Variants in SERGEF observed in about 807,000 individuals in gnomAD.
SERGEF encodes the protein secretion-regulating guanine nucleotide exchange factor.
SERGEF carries 51 observed loss-of-function variants against 50.0 expected under a neutral mutation model. The observed-to-expected ratio is 1.02, with a 90% CI of 0.81 to 1.29. The LOEUF (loss-of-function observed/expected upper bound fraction) is 1.29, where lower values mean the gene tolerates loss of function less well. Among genes scored for constraint, SERGEF ranks in the 50% most tolerant of loss-of-function variants. The pLI is 0.00. For synonymous variants in SERGEF, 205 were observed against 212.4 expected (o/e 0.97, Z 0.30); for missense variants, 521 against 557.0 (o/e 0.94, Z 0.65).
At chr11:17,958,423 T>C (rs1180890185) in intron 9 of SERGEF, among the ~76,000 whole-genome samples, 1 of 152,126 alleles carries the variant, frequency 6.6e-6, no homozygotes, top group Non-Finnish European at 1.5e-5. Context: ...TCTTTTTTTT[T>C]AAGGGTAACA....
At chr11:17,960,662 C>T (rs537737973) in intron 8 of SERGEF, among the ~76,000 whole-genome samples, 2 of 152,328 alleles carry the variant, frequency 1.3e-5, no homozygotes, top group South Asian at 4.1e-4. Flanking sequence ...CCACATTCAA[C>T]ATATGGTTTA....
chr11:17,790,292 T>G (rs1849460113), intron 10 of SERGEF, among the ~76,000 whole-genome samples: 1 of 152,236 alleles, frequency 6.6e-6, no homozygotes, highest in Non-Finnish European at 1.5e-5. Context: ...TATTGTGATC[T>G]GTTTAGTTTG....
intron 10 of SERGEF, among the ~76,000 whole-genome samples, chr11:17,818,453 A>G (rs926230087): frequency 2.0e-5 from 3 of 152,190 alleles, no homozygotes; most frequent in Non-Finnish European, 4.4e-5. Flanking sequence ...TATATTCCAC[A>G]AAAATCCCAT....
At chr11:17,858,408 C>T (rs374289465) in intron 10 of SERGEF, among the ~76,000 whole-genome samples, 8 of 152,254 alleles carry the variant, frequency 5.3e-5, no homozygotes, top group South Asian at 4.2e-4. Flanking sequence ...AGCCCCCTTC[C>T]GGCATCCTGC....
At chr11:17,821,310 G>A (rs542318672) in intron 10 of SERGEF, among the ~76,000 whole-genome samples, 8 of 152,176 alleles carry the variant, frequency 5.3e-5, no homozygotes, top group African/African-American at 1.7e-4. Context: ...TTTAGGTTAC[G>A]AATACTAATA....
At chr11:17,860,454 A>C (rs1418485856) in intron 10 of SERGEF, among the ~76,000 whole-genome samples, 6 of 152,190 alleles carry the variant, frequency 3.9e-5, no homozygotes, top group African/African-American at 9.6e-5. Context: ...CAACAGATAA[A>C]ATTTATTTTA....
At chr11:17,889,794 ATAT>A (rs1298600049) in intron 9 of SERGEF, among the ~76,000 whole-genome samples, 2 of 152,212 alleles carry the variant, frequency 1.3e-5, no homozygotes, top group African/African-American at 4.8e-5. Context: ...GGAATTCTTT[ATAT>A]TATTCTTGCA....
At chr11:17,923,403 C>T (rs541928996) in intron 9 of SERGEF, among the ~76,000 whole-genome samples, 1 of 152,194 alleles carries the variant, frequency 6.6e-6, no homozygotes, top group Admixed American at 6.5e-5. Flanking sequence ...AAGTTCTGTC[C>T]TGAGGCCAAG....
intron 8 of SERGEF, among the ~76,000 whole-genome samples, chr11:17,971,115 A>G (rs566577701): frequency 6.6e-6 from 1 of 152,204 alleles, no homozygotes; most frequent in Admixed American, 6.5e-5. Context: ...AATCGCTTGA[A>G]CCCAGGAGGT....
chr11:17,815,005 AC>A (rs1292381137), intron 10 of SERGEF, among the ~76,000 whole-genome samples: 1 of 152,014 alleles, frequency 6.6e-6, no homozygotes, highest in Non-Finnish European at 1.5e-5. Context: ...ACGCAGCAAG[AC>A]CTTGTCTCTA....
intron 10 of SERGEF, among the ~76,000 whole-genome samples, chr11:17,839,411 G>A (rs560644779): frequency 8.9e-4 from 136 of 152,276 alleles, no homozygotes; most frequent in African/African-American, 3.1e-3. Flanking sequence ...GTTGGCATGG[G>A]AAAGGGACAC....
At chr11:17,998,667 G>A (rs1002826921) in intron 5 of SERGEF, among the ~76,000 whole-genome samples, 4 of 151,094 alleles carry the variant, frequency 2.6e-5, no homozygotes, top group African/African-American at 7.3e-5. Context: ...AGGGGCTATG[G>A]AATGCAATAA....
intron 10 of SERGEF, among the ~76,000 whole-genome samples, chr11:17,809,124 A>T (rs1849820228): frequency 6.7e-6 from 1 of 148,508 alleles, no homozygotes; most frequent in Admixed American, 7.0e-5. Context: ...AGGGATCAGA[A>T]GAGACTTCCT....
chr11:17,807,877 C>G (rs1849792160), intron 10 of SERGEF, among the ~76,000 whole-genome samples: 2 of 152,190 alleles, frequency 1.3e-5, no homozygotes, highest in South Asian at 4.1e-4. Flanking sequence ...CTCCCCCAGT[C>G]CTGCCCACTT....
intron 1 of SERGEF, 177 bp downstream of exon 1, chr11:18,012,774 T>TCCCCCC: frequency 2.9e-5 from 37 of 1,285,080 alleles, no homozygotes; most frequent in Non-Finnish European, 3.5e-5. Context: ...GACCCTTCCT[T>TCCCCCC]CCCCGCCCGC....
In SERGEF at chr11:17,993,005, A is replaced by C; in HGVS notation, c.623-12T>G. 6.2e-7 allele frequency: 1 copy of C among 1,612,086 alleles called. No homozygotes were observed. Among genetic ancestry groups the C allele is most frequent in the African/African-American group, 1.3e-5 (1 of 75,000 alleles). ...AGAATTCTCTAGACCTACAAAAGAA[A>C]AAATGTTCTTCTGAATTACATTTAT... On this transcript the variant is annotated splice_polypyrimidine_tract_variant and intron_variant, in intron 6 of 10. Coordinates refer to ENST00000265965, the MANE Select transcript of SERGEF (RefSeq NM_012139.4).
At chr11:17,939,011 T>C (rs1182283265) in intron 9 of SERGEF, among the ~76,000 whole-genome samples, 1 of 152,240 alleles carries the variant, frequency 6.6e-6, no homozygotes, top group Non-Finnish European at 1.5e-5. Context: ...ATAATAAATG[T>C]AATAAATTCT....
At chr11:17,881,993 T>C (rs907283407) in intron 9 of SERGEF, among the ~76,000 whole-genome samples, 10 of 152,216 alleles carry the variant, frequency 6.6e-5, no homozygotes, top group Admixed American at 6.5e-4. Context: ...AACCAAATAA[T>C]ATAATCCTTT....
intron 10 of SERGEF, among the ~76,000 whole-genome samples, chr11:17,846,120 A>C (rs1243296269): frequency 2.0e-5 from 3 of 152,162 alleles, no homozygotes; most frequent in Non-Finnish European, 4.4e-5. Flanking sequence ...GGGGAGACAG[A>C]ACAGAGCCAG....
Sources: allele counts gnomAD v4.1 joint callset (sites outside exome capture counted in the v4.1 genomes callset), GRCh38; gene constraint gnomAD v4.1.1; transcripts MANE v1.5; gene names NCBI Gene and HGNC (gene_info 2026-07-23, HGNC 2026-07-21).